GRM7: variants seen among roughly 807,000 people sequenced by gnomAD.
GRM7 encodes metabotropic glutamate receptor 7.
GRM7 carries 35 observed loss-of-function variants against 84.5 expected under a neutral mutation model. The ratio of observed to expected loss-of-function variants is 0.41; its 90% CI spans 0.32 to 0.55. The LOEUF is 0.55. Among genes scored for constraint, GRM7 ranks in the 20% least tolerant of loss-of-function variants. The pLI, the probability that GRM7 is intolerant of heterozygous loss-of-function variation, is 0.19. For missense variants in GRM7, 1,003 were observed against 1,194.6 expected, an observed-to-expected ratio of 0.84 and a Z score of 2.36; for synonymous variants, 487 against 455.1, an observed-to-expected ratio of 1.07 and a Z score of -0.89.
At chr3:7,480,567 G>A (rs1699089561) in intron 7 of GRM7, among the ~76,000 whole-genome samples, 1 of 152,154 alleles carries the variant, frequency 6.6e-6, no homozygotes, top group Admixed American at 6.5e-5. Context: ...AAGTAAATGA[G>A]CAAAATGGTA....
At chr3:7,205,535 T>C (rs1268802200) in intron 2 of GRM7, among the ~76,000 whole-genome samples, 1 of 152,232 alleles carries the variant, frequency 6.6e-6, no homozygotes, top group Non-Finnish European at 1.5e-5. Context: ...TTAATACTCT[T>C]ATATAATGTT....
intron 8 of GRM7, among the ~76,000 whole-genome samples, chr3:7,656,593 G>T (rs1384436150): frequency 3.3e-5 from 5 of 149,598 alleles, no homozygotes; most frequent in African/African-American, 1.2e-4. Context: ...TGCTGTGGCA[G>T]ACAGAGGAAA....
rs114164066 is a variant in GRM7, at chr3:7,439,489, C to G, written c.1175-13118C>G. Among the ~76,000 whole-genome samples the G allele has an allele frequency of 7.9e-3, 1,203 of 152,244 alleles. 16 individuals carry two copies. Among genetic ancestry groups the G allele is most frequent in the African/African-American group, 0.026 (1,075 of 41,546 alleles). ...GAAAGATAACACCTTTTGTCCCTGC[C>G]CATGCTGCTTCTGTCTTCCGCCAAC... On this transcript the variant is annotated intron_variant, in intron 5 of 9. Transcript: ENST00000357716.
chr3:7,337,868 A>C (rs111596261), intron 4 of GRM7, among the ~76,000 whole-genome samples: 1 of 151,966 alleles, frequency 6.6e-6, no homozygotes, highest in African/African-American at 2.4e-5. Flanking sequence ...AGAACTAAGA[A>C]TAGAACTGCC....
At chr3:7,509,207 A>T (rs1353097159) in intron 7 of GRM7, among the ~76,000 whole-genome samples, 2 of 152,094 alleles carry the variant, frequency 1.3e-5, no homozygotes, top group Non-Finnish European at 2.9e-5. Context: ...GTCTAATAAG[A>T]TATTTTGAGA....
intron 1 of GRM7, among the ~76,000 whole-genome samples, chr3:7,144,720 A>G (rs150363995): frequency 2.9e-3 from 441 of 152,328 alleles, no homozygotes; most frequent in Middle Eastern, 0.01. Context: ...AGCTTCATCA[A>G]ATTAAACACT....
intron 8 of GRM7, among the ~76,000 whole-genome samples, chr3:7,644,988 A>G (rs939107495): frequency 3.9e-5 from 6 of 151,990 alleles, no homozygotes; most frequent in Admixed American, 6.6e-5. Flanking sequence ...TTGACCAGGA[A>G]CATCTTTCTG....
chr3:7,029,315 CAAAA>C (rs1207041327), intron 1 of GRM7, among the ~76,000 whole-genome samples: 4 of 92,842 alleles, frequency 4.3e-5, no homozygotes, highest in Non-Finnish European at 7.2e-5. Context: ...AAAAAAAAAA[CAAAA>C]AAAAAAAACA....
At chr3:7,059,245 C>T (rs990722029) in intron 1 of GRM7, among the ~76,000 whole-genome samples, 4 of 151,706 alleles carry the variant, frequency 2.6e-5, no homozygotes, top group Admixed American at 2.0e-4. Flanking sequence ...TAAATCTACA[C>T]AGGACAGAGA....
At chr3:7,224,463 T>A (rs1696915553) in intron 2 of GRM7, among the ~76,000 whole-genome samples, 1 of 152,122 alleles carries the variant, frequency 6.6e-6, no homozygotes, top group East Asian at 1.9e-4. Flanking sequence ...GAGATTTGGG[T>A]GGGGACACAG....
chr3:6,959,353 C>T (rs1693201635), intron 1 of GRM7, among the ~76,000 whole-genome samples: 1 of 152,020 alleles, frequency 6.6e-6, no homozygotes, highest in Non-Finnish European at 1.5e-5. Flanking sequence ...AAAAGAATTC[C>T]ATCAAAACTA....
chr3:7,024,338 G>C (rs575618538), intron 1 of GRM7, among the ~76,000 whole-genome samples: 1 of 152,306 alleles, frequency 6.6e-6, no homozygotes, highest in Non-Finnish European at 1.5e-5. Context: ...AAGGAAATCA[G>C]ACCAAACCCA....
At chr3:7,451,519 C>A (rs1337594035) in intron 5 of GRM7, among the ~76,000 whole-genome samples, 1 of 152,052 alleles carries the variant, frequency 6.6e-6, no homozygotes, top group Non-Finnish European at 1.5e-5. Flanking sequence ...ATAGTCACAC[C>A]TATCTGGAAG....
At chr3:7,554,367 C>T (rs916901906) in intron 7 of GRM7, among the ~76,000 whole-genome samples, 7 of 152,096 alleles carry the variant, frequency 4.6e-5, no homozygotes, top group Admixed American at 1.3e-4. Flanking sequence ...TATCGCTACA[C>T]GGGCACTTCA....
chr3:7,344,643 G>A (rs959857837), intron 4 of GRM7, among the ~76,000 whole-genome samples: 2 of 152,134 alleles, frequency 1.3e-5, no homozygotes, highest in African/African-American at 4.8e-5. Flanking sequence ...AACCTGGAGT[G>A]CATTACATTA....
intron 8 of GRM7, among the ~76,000 whole-genome samples, chr3:7,584,414 TC>T (rs1695414997): frequency 6.6e-6 from 1 of 152,212 alleles, no homozygotes. Flanking sequence ...GCATGGTCTT[TC>T]CTTTAATGCA....
chr3:7,160,502 C>A (rs1029903729), intron 2 of GRM7, among the ~76,000 whole-genome samples: 1 of 152,106 alleles, frequency 6.6e-6, no homozygotes, highest in Non-Finnish European at 1.5e-5. Context: ...TCTCTCTGGT[C>A]CTGCTGGATA....
At chr3:7,316,362 C>T (rs9867800) in intron 4 of GRM7, among the ~76,000 whole-genome samples, 9,640 of 151,942 alleles carry the variant, frequency 0.063, 821 homozygotes, top group African/African-American at 0.19. Flanking sequence ...AGGCTGAATG[C>T]AGAATATAGG....
At chr3:7,302,535 A>G (rs62234956) in intron 3 of GRM7, among the ~76,000 whole-genome samples, 72,212 of 151,854 alleles carry the variant, frequency 0.48, 18,854 homozygotes, top group Non-Finnish European at 0.6. Context: ...CTCCCCAAAC[A>G]TGTTAATAAA....
Sources: allele counts gnomAD v4.1 joint callset (sites outside exome capture counted in the v4.1 genomes callset), GRCh38; gene constraint gnomAD v4.1.1; transcripts MANE v1.5; gene names NCBI Gene and HGNC (gene_info 2026-07-23, HGNC 2026-07-21).